Variants in HNRNPC observed in about 807,000 individuals in gnomAD.
HNRNPC encodes heterogeneous nuclear ribonucleoprotein C, also known as heterogeneous nuclear ribonucleoproteins C1/C2.
In HNRNPC, 3 loss-of-function variants were observed where a neutral mutation model predicts 33.2. The ratio of observed to expected loss-of-function variants is 0.09; its 90% CI spans 0.04 to 0.23. HNRNPC has a LOEUF of 0.23. Ranked by LOEUF, HNRNPC falls within the 10% of genes least tolerant of loss-of-function variation. HNRNPC has a pLI of 1.00. For synonymous variants in HNRNPC, 121 were observed against 126.7 expected, an observed-to-expected ratio of 0.96 and a Z score of 0.30; for missense variants, 143 against 366.7, an observed-to-expected ratio of 0.39 and a Z score of 4.98.
At chr14:21,257,551 A>G (rs1320549890) in intron 2 of HNRNPC, among the ~76,000 whole-genome samples, 2 of 151,592 alleles carry the variant, frequency 1.3e-5, no homozygotes, top group East Asian at 3.9e-4. Context: ...CTTCGGTTTT[A>G]TAAGTCTTAG....
intron 1 of HNRNPC, chr14:21,263,537 T>A (rs540253004): frequency 6.6e-6 from 1 of 151,898 alleles, no homozygotes; most frequent in South Asian, 2.1e-4. Flanking sequence ...AGTAGAGAGG[T>A]CAGTTTATGA....
intron 5 of HNRNPC, among the ~76,000 whole-genome samples, chr14:21,222,625 G>A (rs1892953022): frequency 6.6e-6 from 1 of 152,164 alleles, no homozygotes; most frequent in Admixed American, 6.5e-5. Flanking sequence ...GGGCCTAGTG[G>A]CTCCCGCCTG....
intron 6 of HNRNPC, 73 bp from the exon 7 acceptor site, chr14:21,211,996 A>G: frequency 1.7e-6 from 2 of 1,146,586 alleles, no homozygotes; most frequent in Non-Finnish European, 1.3e-6. Context: ...CACTGCCACC[A>G]GACTACATCA....
intron 5 of HNRNPC, among the ~76,000 whole-genome samples, chr14:21,229,368 C>CAA (rs36094058): frequency 6.2e-5 from 7 of 112,274 alleles, no homozygotes; most frequent in Admixed American, 9.1e-5. Flanking sequence ...GAGACTGTCT[C>CAA]AAAAAAAAAA....
At chr14:21,257,983 C>G (rs914860226) in intron 2 of HNRNPC, among the ~76,000 whole-genome samples, 1 of 152,098 alleles carries the variant, frequency 6.6e-6, no homozygotes, top group African/African-American at 2.4e-5. Flanking sequence ...CATCTTTAAG[C>G]CATTTAAGGT....
At chr14:21,212,397 A>G (rs1290097895) in intron 6 of HNRNPC, among the ~76,000 whole-genome samples, 1 of 152,196 alleles carries the variant, frequency 6.6e-6, no homozygotes, top group Non-Finnish European at 1.5e-5. Context: ...CACTGTCTGA[A>G]TTTTAGTTTT....
chr14:21,240,668 T>C (rs1371666089), intron 2 of HNRNPC, among the ~76,000 whole-genome samples: 2 of 152,204 alleles, frequency 1.3e-5, no homozygotes, highest in Non-Finnish European at 2.9e-5. Flanking sequence ...TCACAGGAGA[T>C]AGGTGCCGTT....
chr14:21,232,067 C>G (rs1253971791), intron 3 of HNRNPC, among the ~76,000 whole-genome samples: 1 of 151,338 alleles, frequency 6.6e-6, no homozygotes. Context: ...TTACACACAC[C>G]AAAAAAAATA....
intron 5 of HNRNPC, among the ~76,000 whole-genome samples, chr14:21,230,051 T>G (rs868415481): frequency 6.6e-6 from 1 of 152,150 alleles, no homozygotes; most frequent in African/African-American, 2.4e-5. Context: ...CATAACCCAG[T>G]CCCTAGTCAC....
intron 2 of HNRNPC, among the ~76,000 whole-genome samples, chr14:21,240,502 A>AT (rs1279501118): frequency 2.0e-5 from 3 of 152,174 alleles, no homozygotes; most frequent in Admixed American, 6.5e-5. Context: ...TTATCTGAAG[A>AT]TTTTTTACAT....
intron 5 of HNRNPC, among the ~76,000 whole-genome samples, chr14:21,230,063 AC>A (rs1418512234): frequency 1.3e-5 from 2 of 152,106 alleles, no homozygotes; most frequent in Non-Finnish European, 2.9e-5. Flanking sequence ...CCTAGTCACC[AC>A]ACTCAGCGAA....
chr14:21,231,096 TA>T (rs764263974), intron 3 of HNRNPC, 24 bp from the exon 4 acceptor site: 50 of 1,591,456 alleles, frequency 3.1e-5, no homozygotes, highest in Non-Finnish European at 4.2e-5. Context: ...GTAAAAATGT[TA>T]ATGACAACTT....
chr14:21,235,545 T>C (rs1894606919), intron 2 of HNRNPC, among the ~76,000 whole-genome samples: 1 of 152,220 alleles, frequency 6.6e-6, no homozygotes, highest in Admixed American at 6.5e-5. Flanking sequence ...AAAGTCTGTC[T>C]TTGTTACTTT....
chr14:21,216,564 C>T (rs1892213931), intron 5 of HNRNPC, among the ~76,000 whole-genome samples: 1 of 152,036 alleles, frequency 6.6e-6, no homozygotes, highest in African/African-American at 2.4e-5. Flanking sequence ...AAAAAATTAT[C>T]CAGGTGTGGT....
intron 5 of HNRNPC, chr14:21,213,327 A>G: frequency 1.9e-6 from 1 of 522,418 alleles, no homozygotes; most frequent in East Asian, 3.3e-5. Flanking sequence ...TAGTTGTAAT[A>G]CTGTAGCAAC....
intron 6 of HNRNPC, among the ~76,000 whole-genome samples, chr14:21,212,251 T>C (rs1452796425): frequency 6.6e-6 from 1 of 152,228 alleles, no homozygotes; most frequent in Non-Finnish European, 1.5e-5. Context: ...CCCAGGGTCT[T>C]AGCCTCCCCC....
chr14:21,248,096 T>C (rs978296822), intron 2 of HNRNPC, among the ~76,000 whole-genome samples: 5 of 152,220 alleles, frequency 3.3e-5, no homozygotes, highest in South Asian at 4.2e-4. Context: ...CAAAAAACTT[T>C]TGGAGGCTGA....
chr14:21,255,429 T>G (rs1469148229), intron 2 of HNRNPC, among the ~76,000 whole-genome samples: 2 of 152,236 alleles, frequency 1.3e-5, no homozygotes, highest in Non-Finnish European at 2.9e-5. Context: ...ATACATATTT[T>G]TAAAATGGTC....
chr14:21,266,052 G>T (rs1000896032), intron 1 of HNRNPC, among the ~76,000 whole-genome samples: 1 of 152,192 alleles, frequency 6.6e-6, no homozygotes, highest in Non-Finnish European at 1.5e-5. Flanking sequence ...TAACGTTTGA[G>T]AACCACTGTG....
Sources: allele counts gnomAD v4.1 joint callset (sites outside exome capture counted in the v4.1 genomes callset), GRCh38; gene constraint gnomAD v4.1.1; transcripts MANE v1.5; gene names NCBI Gene and HGNC (gene_info 2026-07-23, HGNC 2026-07-21).